The following TMEM181 variants were observed in gnomAD, a reference collection of about 807,000 sequenced individuals.
The protein encoded by TMEM181 is transmembrane protein 181.
In TMEM181, 39 loss-of-function variants were observed where a neutral mutation model predicts 71.9. The observed-to-expected ratio is 0.54, with a 90% confidence interval of 0.42 to 0.71. The LOEUF is 0.71. Among genes scored for constraint, TMEM181 ranks in the 30% least tolerant of loss-of-function variants. The pLI, the probability that TMEM181 is intolerant of heterozygous loss-of-function variation, is 0.00. For synonymous variants in TMEM181, 245 were observed against 228.8 expected (o/e 1.07, Z -0.64); for missense variants, 595 against 583.0 (o/e 1.02, Z -0.21).
At chr6:158,627,923 C>T (rs1223177083) in intron 13 of TMEM181, among the ~76,000 whole-genome samples, 4 of 152,096 alleles carry the variant, frequency 2.6e-5, no homozygotes, top group Non-Finnish European at 5.9e-5. Context: ...GGAGTCTGAA[C>T]CAAAGATGTT....
intron 1 of TMEM181, among the ~76,000 whole-genome samples, chr6:158,571,107 A>T (rs1782784462): frequency 6.6e-6 from 1 of 150,748 alleles, no homozygotes; most frequent in African/African-American, 2.4e-5. Flanking sequence ...TAATTAATTA[A>T]TTTTTTTGAG....
At chr6:158,626,654 G>A in intron 13 of TMEM181, 1 of 457,288 alleles carries the variant, frequency 2.2e-6, no homozygotes, top group Middle Eastern at 3.2e-4. Flanking sequence ...AGCATCAAAA[G>A]TCACTCAGAA....
chr6:158,631,667 G>C, intron 16 of TMEM181, 143 bp from the exon 17 acceptor site: 2 of 966,660 alleles, frequency 2.1e-6, no homozygotes, highest in Non-Finnish European at 3.2e-6. Context: ...AGAGGAGGAC[G>C]GGGTGAGCAG....
intron 5 of TMEM181, among the ~76,000 whole-genome samples, chr6:158,586,825 G>T (rs1311363095): frequency 6.6e-6 from 1 of 152,170 alleles, no homozygotes; most frequent in Non-Finnish European, 1.5e-5. Context: ...TTCCCTGCCT[G>T]CCTTAGGAAA....
At chr6:158,627,968 C>T (rs1354859563) in intron 13 of TMEM181, among the ~76,000 whole-genome samples, 5 of 152,238 alleles carry the variant, frequency 3.3e-5, no homozygotes, top group East Asian at 3.9e-4. Flanking sequence ...TGGAACTGAC[C>T]GGGGAGGCGT....
At chr6:158,587,984 G>A (rs1301593172) in intron 5 of TMEM181, among the ~76,000 whole-genome samples, 1 of 152,160 alleles carries the variant, frequency 6.6e-6, no homozygotes, top group Non-Finnish European at 1.5e-5. Context: ...CTGCCTTTGC[G>A]CATCATCCTG....
At chr6:158,605,027 G>A (rs758118830) in intron 6 of TMEM181, among the ~76,000 whole-genome samples, 1 of 151,508 alleles carries the variant, frequency 6.6e-6, no homozygotes, top group South Asian at 2.1e-4. Context: ...GGTAGGAGAA[G>A]TGATTGAACC....
At chr6:158,628,223 A>G (rs1014530553) in intron 13 of TMEM181, 185 bp from the exon 14 acceptor site, 1 of 710,716 alleles carries the variant, frequency 1.4e-6, no homozygotes, top group East Asian at 2.7e-5. Context: ...AACCAGAAGC[A>G]GGGGCTGTGT....
At chr6:158,539,582 A>G (rs1212207973) in intron 1 of TMEM181, among the ~76,000 whole-genome samples, 2 of 152,216 alleles carry the variant, frequency 1.3e-5, no homozygotes, top group Admixed American at 6.5e-5. Flanking sequence ...GGGCGAAGCA[A>G]AGAACACAGC....
intron 1 of TMEM181, among the ~76,000 whole-genome samples, chr6:158,564,361 A>G (rs770039204): frequency 4.6e-5 from 7 of 151,732 alleles, no homozygotes; most frequent in Admixed American, 1.3e-4. Flanking sequence ...GCATCCTCTC[A>G]CCCCAGCCTG....
upstream of TMEM181, among the ~76,000 whole-genome samples, chr6:158,558,012 T>G (rs1196352934): frequency 6.6e-6 from 1 of 152,196 alleles, no homozygotes; most frequent in Non-Finnish European, 1.5e-5. Context: ...GCCATGTGGT[T>G]GTTCACATCC....
At chr6:158,576,969 G>A (rs1428717083) in intron 2 of TMEM181, among the ~76,000 whole-genome samples, 1 of 151,012 alleles carries the variant, frequency 6.6e-6, no homozygotes, top group African/African-American at 2.4e-5. Flanking sequence ...GGCTGAGGCA[G>A]GAGAATGGTG....
At chr6:158,597,290 G>A (rs1463418716) in intron 6 of TMEM181, among the ~76,000 whole-genome samples, 2 of 152,146 alleles carry the variant, frequency 1.3e-5, no homozygotes, top group African/African-American at 2.4e-5. Flanking sequence ...TTCTGTAACT[G>A]TACACCACAC....
chr6:158,597,808 T>C (rs1784461997), intron 6 of TMEM181, among the ~76,000 whole-genome samples: 1 of 152,114 alleles, frequency 6.6e-6, no homozygotes, highest in African/African-American at 2.4e-5. Context: ...ACCGTGCCCC[T>C]CTACCCCTTC....
At chr6:158,565,163 C>T (rs1353849026) in intron 1 of TMEM181, among the ~76,000 whole-genome samples, 2 of 152,226 alleles carry the variant, frequency 1.3e-5, no homozygotes, top group South Asian at 4.1e-4. Context: ...GGTGTTCTCA[C>T]GACCTCTGCT....
chr6:158,627,021 ACT>A (rs1408723685), intron 13 of TMEM181, among the ~76,000 whole-genome samples: 30 of 133,586 alleles, frequency 2.2e-4, no homozygotes, highest in African/African-American at 8.1e-4. Context: ...ACAGCCTCTC[ACT>A]CTCACACATC....
intron 1 of TMEM181, among the ~76,000 whole-genome samples, chr6:158,563,241 T>G (rs6924333): frequency 0.59 from 89,782 of 151,992 alleles, 26,976 homozygotes; most frequent in East Asian, 0.76. Flanking sequence ...CCTCCCGGGT[T>G]CAAGCGATTC....
intron 1 of TMEM181, among the ~76,000 whole-genome samples, chr6:158,565,670 T>G (rs1562623253): frequency 2.0e-5 from 3 of 152,166 alleles, no homozygotes; most frequent in African/African-American, 4.8e-5. Context: ...GCATCGAAAG[T>G]TACTGGACCT....
chr6:158,568,248 T>C (rs1269349233), intron 1 of TMEM181, among the ~76,000 whole-genome samples: 1 of 151,900 alleles, frequency 6.6e-6, no homozygotes, highest in Non-Finnish European at 1.5e-5. Context: ...AGTAATGTTA[T>C]TTTGTTTTTT....
Sources: gnomAD v4.1 joint callset for allele counts (sites outside exome capture counted in the v4.1 genomes callset) on GRCh38, gnomAD v4.1.1 for gene constraint, MANE v1.5 for transcripts, NCBI Gene and HGNC (gene_info 2026-07-23, HGNC 2026-07-21) for gene names.